The following BTBD7 variants were observed in gnomAD, a reference collection of about 807,000 sequenced individuals.
The protein encoded by BTBD7 is BTB/POZ domain-containing protein 7.
In BTBD7, 38 loss-of-function variants were observed where a neutral mutation model predicts 99.9. The ratio of observed to expected loss-of-function variants is 0.38; its 90% CI spans 0.29 to 0.50. The LOEUF is 0.50. Among genes scored for constraint, BTBD7 ranks in the 20% least tolerant of loss-of-function variants. The probability of loss-of-function intolerance (pLI) is 0.93; values close to 1 mark genes in which losing one functional copy is unlikely to be tolerated. For synonymous variants in BTBD7, 520 were observed against 511.4 expected (o/e 1.02, Z -0.23); for missense variants, 1,170 against 1,394.6 (o/e 0.84, Z 2.57).
At chr14:93,302,882 G>A (rs1030626939) in intron 1 of BTBD7, among the ~76,000 whole-genome samples, 11 of 152,010 alleles carry the variant, frequency 7.2e-5, no homozygotes, top group African/African-American at 2.2e-4. Flanking sequence ...GCAAAGTGGT[G>A]TGTGCCTGTA....
intron 1 of BTBD7, among the ~76,000 whole-genome samples, chr14:93,323,433 C>T (rs1190399445): frequency 6.6e-6 from 1 of 152,196 alleles, no homozygotes; most frequent in Non-Finnish European, 1.5e-5. Context: ...TATGAGACTT[C>T]TGTCATAGCT....
rs561924465 is a variant in BTBD7 at position 93,312,756 on chromosome 14, T to C, written c.-106-16599A>G. Among the ~76,000 whole-genome samples, 3 of 152,326 alleles carry C rather than the reference T, an allele frequency of 2.0e-5. No individual in the cohort carries two copies. The South Asian group carries it at 6.2e-4, about 32-fold the overall frequency. Reference sequence around the variant, plus strand: ...TAAACTGCATGCCTATGGCAGGCAGTTGTGGTTCTTCTGCCCAGCCCACTG... The same window carrying C: ...TAAACTGCATGCCTATGGCAGGCAGCTGTGGTTCTTCTGCCCAGCCCACTG... On this transcript the variant is annotated intron_variant, in intron 1 of 10. Transcript: ENST00000334746.
intron 3 of BTBD7, among the ~76,000 whole-genome samples, chr14:93,286,227 G>A (rs1349289558): frequency 6.6e-6 from 1 of 152,184 alleles, no homozygotes; most frequent in Non-Finnish European, 1.5e-5. Context: ...GACCTTTAAG[G>A]CTTTTCTACT....
At position 93,257,226 on chromosome 14, in the gene BTBD7, A is replaced by T; in HGVS notation, c.1577T>A (p.Leu526Ter). ...LLPFVRIEHI[L>*]PINSEVLSDA... The stretch of plus-strand genomic sequence containing the variant: ...ACTTAAGACTTCACTGTTTATAGGT[A>T]AGATGTGTTCAATTCGCACAAAAGG... The change falls in exon 6 of 11, where the codon TTA becomes TAA. Residue 526 changes from leucine to a stop codon, truncating the protein, a stop_gained. Transcript: ENST00000334746. LOFTEE classifies it high-confidence loss of function. The T allele has an allele frequency of 6.2e-7, 1 of 1,614,168 alleles. No individual in the cohort carries two copies. The highest frequency in any genetic ancestry group is 8.5e-7 in the Non-Finnish European group (1 of 1,180,002).
intron 3 of BTBD7, among the ~76,000 whole-genome samples, chr14:93,265,900 C>A (rs1248736264): frequency 6.6e-6 from 1 of 152,220 alleles, no homozygotes; most frequent in African/African-American, 2.4e-5. Context: ...CCAGCCTGGG[C>A]TACAGAGTGA....
intron 1 of BTBD7, among the ~76,000 whole-genome samples, chr14:93,296,569 C>T (rs2052929344): frequency 6.6e-6 from 1 of 152,134 alleles, no homozygotes; most frequent in South Asian, 2.1e-4. Flanking sequence ...ACTGGTACCG[C>T]ACATACAAAT....
chr14:93,260,975 C>T (rs1156312872), intron 5 of BTBD7, among the ~76,000 whole-genome samples: 4 of 152,182 alleles, frequency 2.6e-5, no homozygotes, highest in African/African-American at 9.7e-5. Context: ...ACTGCAACCT[C>T]TGCCTCCCAG....
At chr14:93,272,798 G>A (rs1236650231) in intron 3 of BTBD7, among the ~76,000 whole-genome samples, 1 of 152,100 alleles carries the variant, frequency 6.6e-6, no homozygotes, top group African/African-American at 2.4e-5. Flanking sequence ...TAGATGCTGT[G>A]ACTCTGAGAG....
At chr14:93,304,364 A>G (rs2053045274) in intron 1 of BTBD7, among the ~76,000 whole-genome samples, 1 of 152,136 alleles carries the variant, frequency 6.6e-6, no homozygotes, top group Non-Finnish European at 1.5e-5. Flanking sequence ...ATTTATTTTT[A>G]TTTTTGAGAC....
chr14:93,266,942 C>G (rs1452304430), intron 3 of BTBD7, among the ~76,000 whole-genome samples: 2 of 152,096 alleles, frequency 1.3e-5, no homozygotes, highest in Non-Finnish European at 2.9e-5. Flanking sequence ...TTATGACGAG[C>G]CTTTGAGCCT....
At chr14:93,303,607 A>T (rs999104357) in intron 1 of BTBD7, among the ~76,000 whole-genome samples, 1 of 152,248 alleles carries the variant, frequency 6.6e-6, no homozygotes, top group Non-Finnish European at 1.5e-5. Flanking sequence ...AATATTCTTT[A>T]AAAAATTCAG....
intron 1 of BTBD7, among the ~76,000 whole-genome samples, chr14:93,312,010 T>A (rs950244760): frequency 6.6e-6 from 1 of 152,152 alleles, no homozygotes; most frequent in Admixed American, 6.5e-5. Context: ...CCCTGTCTAC[T>A]CTATTCTAGT....
chr14:93,309,787 A>G (rs1047162216), intron 1 of BTBD7, among the ~76,000 whole-genome samples: 2 of 152,184 alleles, frequency 1.3e-5, no homozygotes, highest in Non-Finnish European at 2.9e-5. Context: ...GGACAATTAA[A>G]TGACTAAGCT....
chr14:93,285,620 A>ATTT (rs1442198286), intron 3 of BTBD7, among the ~76,000 whole-genome samples: 1 of 152,236 alleles, frequency 6.6e-6, no homozygotes, highest in East Asian at 1.9e-4. Context: ...TCTCCTAAAC[A>ATTT]ATGAACTTTT....
chr14:93,271,920 C>T (rs543120307), intron 3 of BTBD7, among the ~76,000 whole-genome samples: 5 of 152,232 alleles, frequency 3.3e-5, no homozygotes, highest in South Asian at 4.1e-4. Context: ...GTGGGAAGAC[C>T]GCTTGAACCT....
chr14:93,293,404 T>A (rs1479743594), intron 3 of BTBD7, among the ~76,000 whole-genome samples: 5 of 152,206 alleles, frequency 3.3e-5, no homozygotes. Context: ...CCTGCCCAAT[T>A]CTGATTCAAC....
chr14:93,243,202 T>G (rs1566832124), intron 10 of BTBD7, 114 bp from the exon 11 acceptor site: 1 of 1,039,962 alleles, frequency 9.6e-7, no homozygotes, highest in South Asian at 1.7e-5. Flanking sequence ...CTGTTTTTGT[T>G]TTTTTTTTTG....
rs180843541 is a variant in BTBD7 at position 93,329,184 on chromosome 14, A to C, written c.-107+3636T>G. ...AAGTAACTTCCACACTCAACAACAA[A>C]AAAAAATCCTAATTAGAAAACAGGG... is the stretch of plus-strand genomic sequence containing the variant. On this transcript the variant is annotated intron_variant, in intron 1 of 10. Transcript: ENST00000334746. 4.9e-3 allele frequency among the ~76,000 whole-genome samples: 727 copies of C among 149,788 alleles called. 3 individuals carry two copies. Among genetic ancestry groups the C allele is most frequent in the African/African-American group, 0.017 (663 of 39,254 alleles).
intron 1 of BTBD7, among the ~76,000 whole-genome samples, chr14:93,299,988 A>G (rs1305243676): frequency 6.6e-6 from 1 of 152,098 alleles, no homozygotes; most frequent in Non-Finnish European, 1.5e-5. Flanking sequence ...TGCATAACAC[A>G]CTCAGGAAAA....
Sources: allele counts gnomAD v4.1 joint callset (sites outside exome capture counted in the v4.1 genomes callset), GRCh38; gene constraint gnomAD v4.1.1; transcripts MANE v1.5; gene names NCBI Gene and HGNC (gene_info 2026-07-23, HGNC 2026-07-21).